TMEM14B: variants seen among roughly 807,000 people sequenced by gnomAD.
TMEM14B encodes the protein transmembrane protein 14B.
In TMEM14B, 9 loss-of-function variants were observed where a neutral mutation model predicts 14.8. That is an observed-to-expected ratio of 0.61 (90% CI 0.37 to 1.06). The LOEUF is 1.06. Among genes scored for constraint, TMEM14B ranks in the 50% least tolerant of loss-of-function variants. The pLI is 0.01. For synonymous variants in TMEM14B, 40 were observed against 51.3 expected (o/e 0.78, Z 0.94); for missense variants, 128 against 143.6 (o/e 0.89, Z 0.56).
chr6:10,751,964 C>T (rs982760927), intron 4 of TMEM14B, among the ~76,000 whole-genome samples: 3 of 151,970 alleles, frequency 2.0e-5, no homozygotes, highest in African/African-American at 4.8e-5. Flanking sequence ...GGGTTCCTTG[C>T]GGTCTCTACA....
At chr6:10,757,266 C>G (rs897954463), downstream of TMEM14B, among the ~76,000 whole-genome samples, 2 of 151,832 alleles carry the variant, frequency 1.3e-5, no homozygotes, top group African/African-American at 4.8e-5. Flanking sequence ...CTCTTGGGTT[C>G]AGTCATCCCA....
rs1771777027 is a variant in TMEM14B at position 10,755,669 on chromosome 6, TG to T, written c.293+438del. ...AATTGTGGTTTTTAAAAAATGTAGT[TG>T]TAGGCCAGGCACGGTGGCTCACACC... On this transcript the variant is annotated intron_variant, in intron 5 of 5. Transcript: ENST00000379542. 5 of 1,084,742 alleles carry T rather than the reference TG, an allele frequency of 4.6e-6. No homozygotes were observed. The South Asian group carries it at 1.7e-4, about 36-fold the overall frequency. The allele number at this position is 1,084,742 out of a possible 1,614,324, so 67.2% of individuals were successfully genotyped here.
chr6:10,751,604 T>C (rs1008151983), intron 4 of TMEM14B, among the ~76,000 whole-genome samples: 3 of 152,104 alleles, frequency 2.0e-5, no homozygotes, highest in Non-Finnish European at 2.9e-5. Context: ...GACAAATATG[T>C]GTCAACCGTT....
chr6:10,755,555 G>C (rs1692906821), intron 5 of TMEM14B: 1 of 1,295,102 alleles, frequency 7.7e-7, no homozygotes, highest in Non-Finnish European at 9.8e-7. Flanking sequence ...ATATTTCTTA[G>C]GTGTGTAGGT....
chr6:10,755,107 T>G (rs1263708524), intron 4 of TMEM14B, 35 bp from the exon 5 acceptor site: 2 of 1,610,506 alleles, frequency 1.2e-6, no homozygotes, highest in South Asian at 2.2e-5. Flanking sequence ...CGTAGAAGAC[T>G]AATGAGTTTT....
chr6:10,755,461 C>G (rs1292886313), intron 5 of TMEM14B: 11 of 1,439,892 alleles, frequency 7.6e-6, no homozygotes, highest in Non-Finnish European at 1.0e-5. Flanking sequence ...GGTCCTAGCT[C>G]CTTCCTATAT....
chr6:10,756,354 A>C, intron 5 of TMEM14B, 113 bp from the exon 6 acceptor site: 1 of 1,264,708 alleles, frequency 7.9e-7, no homozygotes, highest in Non-Finnish European at 1.1e-6. Flanking sequence ...CTCTTGCCTT[A>C]GTACCTCCTC....
At chr6:10,756,052 A>G (rs1483792796) in intron 5 of TMEM14B, among the ~76,000 whole-genome samples, 1 of 152,132 alleles carries the variant, frequency 6.6e-6, no homozygotes, top group Non-Finnish European at 1.5e-5. Flanking sequence ...TACATACTCT[A>G]CTCTGATCAT....
chr6:10,749,339 A>G, intron 2 of TMEM14B, 71 bp downstream of exon 2: 1 of 1,582,836 alleles, frequency 6.3e-7, no homozygotes, highest in Non-Finnish European at 8.7e-7. Context: ...CCTCAGCTGA[A>G]AAGAACCCTA....
At chr6:10,749,296 T>G in intron 2 of TMEM14B, 28 bp downstream of exon 2, 2 of 1,613,550 alleles carry the variant, frequency 1.2e-6, no homozygotes, top group Non-Finnish European at 1.7e-6. Context: ...GGTTAGAGAG[T>G]AGCCAGGAGC....
chr6:10,748,257 G>C (rs1241892851), intron 1 of TMEM14B, among the ~76,000 whole-genome samples: 1 of 151,710 alleles, frequency 6.6e-6, no homozygotes, highest in Non-Finnish European at 1.5e-5. Flanking sequence ...TCTTTTTTTG[G>C]GGGGTGGGGA....
rs1456668139 is a variant in TMEM14B, at chr6:10,749,703, G to A, written c.100+5G>A. ...TCGTTGGCTATGTAAAAACAGGTAG[G>A]GTTTTGTTGTTACTTAGCCTCTTAA... is the stretch of plus-strand genomic sequence containing the variant. On this transcript the variant is annotated splice_donor_5th_base_variant and intron_variant, in intron 3 of 5. Coordinates refer to ENST00000379542, the MANE Select transcript of TMEM14B (RefSeq NM_030969.5). The A allele has an allele frequency of 6.2e-7, 1 of 1,613,968 alleles. No homozygotes were observed.
intron 4 of TMEM14B, among the ~76,000 whole-genome samples, chr6:10,753,803 C>T (rs1771689624): frequency 6.6e-6 from 1 of 152,148 alleles, no homozygotes; most frequent in Non-Finnish European, 1.5e-5. Flanking sequence ...GTCGACACTA[C>T]CTCTAGCCCT....
At chr6:10,758,918 T>TC (rs1771889049), downstream of TMEM14B, 2 of 157,430 alleles carry the variant, frequency 1.3e-5, no homozygotes, top group South Asian at 2.3e-4. Flanking sequence ...TCTTTTTTTT[T>TC]TTTTTTTTTT....
chr6:10,759,124 T>G (rs1260892840), downstream of TMEM14B: 1 of 162,004 alleles, frequency 6.2e-6, no homozygotes, highest in Non-Finnish European at 1.4e-5. Context: ...TTCACCATGT[T>G]GGCCAGGCTG....
At chr6:10,750,226 A>C (rs1315381858) in intron 3 of TMEM14B, among the ~76,000 whole-genome samples, 1 of 151,376 alleles carries the variant, frequency 6.6e-6, no homozygotes, top group East Asian at 1.9e-4. Context: ...GATTTGCTGG[A>C]GGTCCTGCCT....
At chr6:10,749,590 T>C (rs779766860) in intron 2 of TMEM14B, 32 bp from the exon 3 acceptor site, 1 of 1,612,708 alleles carries the variant, frequency 6.2e-7, no homozygotes, top group South Asian at 1.1e-5. Flanking sequence ...AGGTTAGCAC[T>C]GACTTCTCAC....
chr6:10,747,903 G>C (rs1771389671), intron 1 of TMEM14B, 22 bp downstream of exon 1: 1 of 152,334 alleles, frequency 6.6e-6, no homozygotes, highest in African/African-American at 2.4e-5. Flanking sequence ...TCTTTGGAGA[G>C]TATTGTTTTT....
At chr6:10,753,084 A>G (rs1251645210) in intron 4 of TMEM14B, among the ~76,000 whole-genome samples, 1 of 151,970 alleles carries the variant, frequency 6.6e-6, no homozygotes, top group Non-Finnish European at 1.5e-5. Context: ...TAAAAATACA[A>G]AATTAGCCGG....
Sources: allele counts gnomAD v4.1 joint callset (sites outside exome capture counted in the v4.1 genomes callset), GRCh38; gene constraint gnomAD v4.1.1; transcripts MANE v1.5; gene names NCBI Gene and HGNC (gene_info 2026-07-23, HGNC 2026-07-21).